The following MDN1 variants were observed in gnomAD, a reference collection of about 807,000 sequenced individuals.
The protein encoded by MDN1 is midasin.
Under a neutral mutation model 669.2 loss-of-function variants are expected in MDN1, and 266 were observed. That is an observed-to-expected ratio of 0.40 (90% CI 0.36 to 0.44). The LOEUF (loss-of-function observed/expected upper bound fraction) is 0.44, where lower values mean the gene tolerates loss of function less well. MDN1 is among the 20% of genes least tolerant of loss of function. The pLI, the probability that MDN1 is intolerant of heterozygous loss-of-function variation, is 1.00. For synonymous variants in MDN1, 2,385 were observed against 2,457.1 expected (o/e 0.97, Z 0.87); for missense variants, 5,940 against 6,754.0 (o/e 0.88, Z 4.22).
rs553237752 is a variant in MDN1 at position 89,682,986 on chromosome 6, G to A, written c.12102+146C>T. On this transcript the variant is annotated intron_variant, in intron 73 of 101. Coordinates refer to ENST00000369393, the MANE Select transcript of MDN1 (RefSeq NM_014611.3). ...ATTTTTTGCCTTATTCTGCAGGGAA[G>A]TCAGGCAAATACATGCTATATATGT... 5.8e-4 allele frequency: 461 copies of A among 795,546 alleles called. 2 individuals are homozygous for A. The highest frequency in any genetic ancestry group is 3.1e-3 in the Middle Eastern group (8 of 2,606). The allele number at this position is 795,546 out of a possible 1,614,324, so 49.3% of individuals were successfully genotyped here. A position where few individuals can be genotyped will look rare whatever the true frequency, so the allele number is the denominator to read the frequency against.
chr6:89,703,586 TATC>T (rs1302375179), intron 53 of MDN1, among the ~76,000 whole-genome samples: 4 of 152,204 alleles, frequency 2.6e-5, no homozygotes, highest in African/African-American at 9.6e-5. Flanking sequence ...ATTTTCATAA[TATC>T]ATGTTATTTG....
Position 89,712,230 on chromosome 6 carries a change from A to G in MDN1, c.7457T>C (p.Leu2486Ser). The change falls in exon 49 of 102, where the codon TTA (leucine) becomes TCA (serine). Residue 2486 changes from leucine (L) to serine (S), a missense_variant. This residue lies in a region of MDN1 where 2,292 missense variants were observed against 2,638.3 expected (regional missense o/e 0.87). Coordinates refer to ENST00000369393, the MANE Select transcript of MDN1 (RefSeq NM_014611.3). ...TRSQPFTLQDLEKIMQSPSPE... is the reference protein window; with the variant it reads ...TRSQPFTLQDSEKIMQSPSPE... Reference sequence around the variant, plus strand: ...GCTGGGGGACTGCATAATTTTCTCTAAGTCTTGCAAGGTAAAAGGCTGACT... The same window carrying G: ...GCTGGGGGACTGCATAATTTTCTCTGAGTCTTGCAAGGTAAAAGGCTGACT... 6.2e-7 allele frequency: 1 copy of G among 1,614,008 alleles called. No individual in the cohort carries two copies. The highest frequency in any genetic ancestry group is 8.5e-7 in the Non-Finnish European group (1 of 1,179,934).
At position 89,808,942 on chromosome 6, in the gene MDN1, C is replaced by G. The variant is rs1768189118; in HGVS notation, c.103-5388G>C. 3.3e-5 allele frequency among the ~76,000 whole-genome samples: 5 copies of G among 152,222 alleles called. No homozygotes were observed. In the South Asian group the frequency reaches 1.0e-3, roughly 32 times the overall value. ...ACAAAAGTATATGTATTTGGCTGGG[C>G]ACGGTGGCTCATGCCTGTAATCCCA... is the stretch of plus-strand genomic sequence containing the variant. On this transcript the variant is annotated intron_variant, in intron 1 of 101. Transcript: ENST00000369393.
chr6:89,739,098 T>C (rs1285170583), intron 32 of MDN1, among the ~76,000 whole-genome samples: 1 of 152,180 alleles, frequency 6.6e-6, no homozygotes, highest in African/African-American at 2.4e-5. Context: ...TACTTGATGA[T>C]CATCTATCTG....
intron 8 of MDN1, among the ~76,000 whole-genome samples, chr6:89,786,466 G>A (rs1818964551): frequency 6.6e-6 from 1 of 151,878 alleles, no homozygotes; most frequent in South Asian, 2.1e-4. Flanking sequence ...TTTTAGCCAG[G>A]CATGGTGGTG....
chr6:89,760,391 T>C (rs1472095479), intron 17 of MDN1, among the ~76,000 whole-genome samples: 1 of 152,100 alleles, frequency 6.6e-6, no homozygotes, highest in Admixed American at 6.5e-5. Flanking sequence ...GAGACACACA[T>C]GGTGAGAGAA....
chr6:89,658,664 T>C lies in MDN1; in HGVS notation c.14967A>G (p.Glu4989=), dbSNP rs372921019. ...CATTCTCTCCACCTTCTTCATCGGC[T>C]TCCTTGTCTTTTTCCTCCACAGACT... ...QQQSVEEKDK[E]ADEEGGENGP... Residue 4989 remains glutamate, a synonymous_variant, in exon 89 of 102, where the codon GAA becomes GAG. Transcript: ENST00000369393. The C allele has an allele frequency of 6.8e-6, 11 of 1,613,410 alleles. No individual in the cohort carries two copies. The African/African-American group carries it at 1.2e-4, about 18-fold the overall frequency.
chr6:89,714,725 T>A lies in MDN1; in HGVS notation c.6887A>T (p.His2296Leu). 6.2e-7 allele frequency: 1 copy of A among 1,612,896 alleles called. No homozygotes were observed. Among genetic ancestry groups the A allele is most frequent in the Non-Finnish European group, 8.5e-7 (1 of 1,179,722 alleles). The change falls in exon 46 of 102, where the codon CAT becomes CTT. Residue 2296 changes from histidine (H) to leucine (L), a missense_variant. This residue lies in a region of MDN1 where 2,292 missense variants were observed against 2,638.3 expected (regional missense o/e 0.87). Transcript: ENST00000369393. ...CCTCATAGCTCGGGATATATCTCCA[T>A]GAACAGGATCCATCGAGAGGAAAAG... The part of the protein sequence containing the change: ...FRLFLSMDPV[H>L]GDISRAMRNR...
In MDN1 at chr6:89,655,947, G is replaced by T; in HGVS notation, c.15307C>A (p.Gln5103Lys). 6.2e-7 allele frequency: 1 copy of T among 1,613,852 alleles called. No homozygotes were observed. Among genetic ancestry groups the T allele is most frequent in the East Asian group, 2.2e-5 (1 of 44,884 alleles). The change falls in exon 92 of 102, where the codon CAG (glutamine) becomes AAG (lysine). Residue 5103 changes from glutamine to lysine, a missense_variant. Gln to Lys is a moderately conservative substitution (Grantham distance 53, BLOSUM62 1). This residue lies in a region of MDN1 where 2,280 missense variants were observed against 2,576.3 expected (regional missense o/e 0.88). Coordinates refer to ENST00000369393, the MANE Select transcript of MDN1 (RefSeq NM_014611.3). ...CCCATGGAACGTTCATTGTCAGCCT[G>T]CCCAGGTTTCCTCTTAAAACTCTGA... ...NTQSFKRKPGQADNERSMGDH... is the reference protein window; with the variant it reads ...NTQSFKRKPGKADNERSMGDH...
At chr6:89,734,690 C>CG (rs377530820) in intron 33 of MDN1, among the ~76,000 whole-genome samples, 77,930 of 111,772 alleles carry the variant, frequency 0.7, 27,610 homozygotes, top group East Asian at 0.9. Context: ...AAAAAAAAAA[C>CG]AAGAGAGAGA....
rs551657677 is a variant in MDN1, at chr6:89,766,167, C to T, written c.2145-3637G>A. Among the ~76,000 whole-genome samples, 24 of 152,106 alleles carry T rather than the reference C, an allele frequency of 1.6e-4. No homozygotes were observed. The South Asian group carries it at 2.7e-3, about 17-fold the overall frequency. ...TATAAAAATTAGCCGGGCCTGGTGG[C>T]GGGCCCCTGTAATCCCAGGTACTCA... On this transcript the variant is annotated intron_variant, in intron 15 of 101. Coordinates refer to ENST00000369393, the MANE Select transcript of MDN1 (RefSeq NM_014611.3).
rs1289896784 is a variant in MDN1, at chr6:89,790,053, T to C, written c.1098+106A>G. 5 of 1,591,746 alleles carry C rather than the reference T, an allele frequency of 3.1e-6. No homozygotes were observed. The South Asian group carries it at 3.4e-5, about 11-fold the overall frequency. ...TTACATAGGTTGGCCCCAACAGTTA[T>C]AAGCAAGACCAATAACTATTGTTAT... On this transcript the variant is annotated intron_variant, in intron 6 of 101. Coordinates refer to ENST00000369393, the MANE Select transcript of MDN1 (RefSeq NM_014611.3).
intron 20 of MDN1, among the ~76,000 whole-genome samples, chr6:89,754,816 C>G (rs987042240): frequency 2.0e-5 from 3 of 152,124 alleles, no homozygotes; most frequent in Non-Finnish European, 4.4e-5. Context: ...TCAAATGAAA[C>G]CAAGTATGCA....
intron 40 of MDN1, among the ~76,000 whole-genome samples, chr6:89,720,551 A>G (rs1329264591): frequency 1.3e-5 from 2 of 152,154 alleles, no homozygotes; most frequent in Non-Finnish European, 2.9e-5. Context: ...GAAAACACCT[A>G]TAAGGTCCAT....
intron 38 of MDN1, 33 bp downstream of exon 38, chr6:89,725,162 GTCTA>G: frequency 6.3e-7 from 1 of 1,587,494 alleles, no homozygotes; most frequent in East Asian, 2.2e-5. Context: ...TCCCCTCCGA[GTCTA>G]TCTTTGGTCT....
At position 89,680,676 on chromosome 6, in the gene MDN1, G is replaced by A; in HGVS notation, c.12178C>T (p.Leu4060Phe). The A allele has an allele frequency of 6.2e-7, 1 of 1,614,170 alleles. No homozygotes were observed. Among genetic ancestry groups the A allele is most frequent in the Non-Finnish European group, 8.5e-7 (1 of 1,180,044 alleles). Residue 4060 changes from leucine (L) to phenylalanine (F), a missense_variant, in exon 74 of 102, where the codon CTC (leucine) becomes TTC (phenylalanine). Coordinates refer to ENST00000369393, the MANE Select transcript of MDN1 (RefSeq NM_014611.3). ...CACATCTTCCTCATGCGTTTCCTGAGCTTTGGCAAGCGACGCAGAAGCTCC... is the reference window on the plus strand; with the variant it reads ...CACATCTTCCTCATGCGTTTCCTGAACTTTGGCAAGCGACGCAGAAGCTCC... The part of the protein sequence containing the change: ...EGELLRRLPK[L>F]RKRMRKMCLT...
At chr6:89,780,402 T>C (rs553421587) in intron 10 of MDN1, 109 bp from the exon 11 acceptor site, 42 of 510,462 alleles carry the variant, frequency 8.2e-5, no homozygotes, top group Admixed American at 2.9e-4. Flanking sequence ...CCTGATAACT[T>C]TCTTCTTTCT....
At position 89,814,754 on chromosome 6, in the gene MDN1, A is replaced by G; in HGVS notation, c.102+4752T>C. 3 of 387,418 alleles carry G rather than the reference A, an allele frequency of 7.7e-6. 1 individual carries two copies. The highest frequency in any genetic ancestry group is 6.3e-5 in the South Asian group (3 of 47,688). 24.0% of individuals were successfully genotyped at this position (387,418 alleles called of 1,614,324 possible). On this transcript the variant is annotated intron_variant, in intron 1 of 101. Transcript: ENST00000369393. ...GCACCAGGAGCAGCCGCTGGACAGC[A>G]AGGAGCGGCAGCCTATGGTTAGCCA... is the stretch of plus-strand genomic sequence containing the variant.
chr6:89,663,082 T>C, intron 85 of MDN1, 115 bp from the exon 86 acceptor site: 1 of 1,156,452 alleles, frequency 8.6e-7, no homozygotes, highest in Non-Finnish European at 1.2e-6. Context: ...TTTATTGCCT[T>C]TTTCTACAGA....
Sources: gnomAD v4.1 joint callset for allele counts (sites outside exome capture counted in the v4.1 genomes callset) on GRCh38, gnomAD v4.1.1 for gene constraint, gnomAD v4.1.1 regional missense constraint, MANE v1.5 for transcripts, NCBI Gene and HGNC (gene_info 2026-07-23, HGNC 2026-07-21) for gene names.